The following SS18 variants were observed in gnomAD, a reference collection of about 807,000 sequenced individuals.
SS18 encodes protein SSXT.
SS18 carries 28 observed loss-of-function variants against 72.5 expected under a neutral mutation model. That is an observed-to-expected ratio of 0.39 (90% confidence interval 0.29 to 0.53). SS18 has a LOEUF of 0.53. Ranked by LOEUF, SS18 falls within the 20% of genes least tolerant of loss-of-function variation. The probability of loss-of-function intolerance (pLI) is 0.76; values close to 1 mark genes in which losing one functional copy is unlikely to be tolerated. For missense variants in SS18, 518 were observed against 535.3 expected, an observed-to-expected ratio of 0.97 and a Z score of 0.32; for synonymous variants, 172 against 164.2, an observed-to-expected ratio of 1.05 and a Z score of -0.37.
intron 1 of SS18, chr18:26,090,154 G>T (rs577224928): frequency 1.4e-4 from 40 of 279,240 alleles, no homozygotes; most frequent in African/African-American, 8.3e-4. Flanking sequence ...AGCAACGCGC[G>T]GGGCCGCCGG....
At chr18:26,043,976 T>C (rs1225869765) in intron 5 of SS18, among the ~76,000 whole-genome samples, 1 of 152,200 alleles carries the variant, frequency 6.6e-6, no homozygotes, top group Non-Finnish European at 1.5e-5. Context: ...AGACCATCTT[T>C]ACACACAGTT....
upstream of SS18, chr18:26,090,749 C>A: frequency 1.6e-6 from 1 of 637,250 alleles, no homozygotes; most frequent in Non-Finnish European, 2.7e-6. Context: ...AGGGATGTCT[C>A]GCTTCTGCGC....
At chr18:26,039,266 A>G in intron 6 of SS18, 23 bp downstream of exon 6, 12 of 1,580,684 alleles carry the variant, frequency 7.6e-6, no homozygotes, top group Non-Finnish European at 9.5e-6. Context: ...ATTAAGTAGC[A>G]AATTTTCCAA....
chr18:26,073,852 T>G (rs547712621), intron 3 of SS18, among the ~76,000 whole-genome samples: 4 of 152,218 alleles, frequency 2.6e-5, no homozygotes, highest in African/African-American at 9.6e-5. Context: ...CCGTTTTCAC[T>G]GAATACCATT....
chr18:26,044,328 A>ATTT (rs56030633), intron 5 of SS18, among the ~76,000 whole-genome samples: 2,672 of 140,488 alleles, frequency 0.019, 101 homozygotes, highest in African/African-American at 0.067. Flanking sequence ...ATTTTTTTAG[A>ATTT]TTTTTTTTTT....
chr18:26,075,480 CTT>C (rs376293109), intron 3 of SS18, among the ~76,000 whole-genome samples: 9 of 151,874 alleles, frequency 5.9e-5, no homozygotes, highest in African/African-American at 2.2e-4. Flanking sequence ...AAGAAAAAGT[CTT>C]ATAATCATCT....
At chr18:26,027,671 TAAAAAAAAAAAAAAAAA>T (rs68048813) in intron 10 of SS18, among the ~76,000 whole-genome samples, 5 of 27,300 alleles carry the variant, frequency 1.8e-4, no homozygotes, top group Non-Finnish European at 2.4e-4. Context: ...GAGACTCATC[TAAAAAAAAAAAAAAAAA>T]AAAAAAAAAA....
chr18:26,022,569 A>G (rs1393542243), intron 10 of SS18, among the ~76,000 whole-genome samples: 2 of 152,156 alleles, frequency 1.3e-5, no homozygotes, highest in African/African-American at 4.8e-5. Flanking sequence ...ACAGCTAACT[A>G]CCTTGAGAGT....
At chr18:26,090,700 G>C (rs550761575), upstream of SS18, 2 of 971,506 alleles carry the variant, frequency 2.1e-6, no homozygotes, top group African/African-American at 3.2e-5. Context: ...GGGCCAAGCG[G>C]ACGGGCGGCG....
chr18:26,037,433 G>A (rs72878215), intron 7 of SS18, among the ~76,000 whole-genome samples: 6 of 151,898 alleles, frequency 4.0e-5, no homozygotes, highest in Non-Finnish European at 5.9e-5. Context: ...TTTAAAATAC[G>A]TAGAGTCTAC....
chr18:26,027,671 TAAAAAAAAAAAAAAAA>T (rs68048813), intron 10 of SS18, among the ~76,000 whole-genome samples: 22 of 27,304 alleles, frequency 8.1e-4, no homozygotes, highest in South Asian at 3.7e-3. Flanking sequence ...GAGACTCATC[TAAAAAAAAAAAAAAAA>T]AAAAAAAAAA....
intron 3 of SS18, among the ~76,000 whole-genome samples, chr18:26,060,580 C>T (rs1396138831): frequency 1.3e-5 from 2 of 151,352 alleles, no homozygotes; most frequent in Non-Finnish European, 2.9e-5. Context: ...AAAGAATGGA[C>T]AACCAAGAGA....
chr18:26,039,986 T>C (rs1229055762), intron 5 of SS18, among the ~76,000 whole-genome samples: 1 of 152,228 alleles, frequency 6.6e-6, no homozygotes, highest in Non-Finnish European at 1.5e-5. Flanking sequence ...GAATATAATT[T>C]CATAAGCTTT....
At chr18:26,049,613 G>C (rs1035344423) in intron 5 of SS18, among the ~76,000 whole-genome samples, 5 of 152,166 alleles carry the variant, frequency 3.3e-5, no homozygotes, top group Admixed American at 6.5e-5. Context: ...CTGTGCTCAA[G>C]TGAACCTCCT....
At chr18:26,075,680 G>A (rs1446114161) in intron 3 of SS18, among the ~76,000 whole-genome samples, 2 of 151,848 alleles carry the variant, frequency 1.3e-5, no homozygotes, top group Non-Finnish European at 2.9e-5. Flanking sequence ...ACAAGACAAG[G>A]ATGTCCTCTA....
At position 26,074,625 on chromosome 18, in the gene SS18, T is replaced by G. The variant is rs550389473; in HGVS notation, c.231+3451A>C. Among the ~76,000 whole-genome samples the G allele has an allele frequency of 2.6e-5, 4 of 152,044 alleles. No homozygotes were observed. The South Asian group carries it at 8.3e-4, about 31-fold the overall frequency. The stretch of plus-strand genomic sequence containing the variant: ...ATATTAACATGCAATAAGTTTATTA[T>G]TTTTAACAAATTTTTTAGATTTGTT... On this transcript the variant is annotated intron_variant, in intron 3 of 10. Coordinates refer to ENST00000415083, the MANE Select transcript of SS18 (RefSeq NM_001007559.3).
intron 10 of SS18, among the ~76,000 whole-genome samples, chr18:26,021,542 T>C (rs9953728): frequency 0.063 from 9,533 of 152,198 alleles, 825 homozygotes; most frequent in African/African-American, 0.2. Flanking sequence ...TTAAAAAAAA[T>C]TCCTCTGACT....
chr18:26,087,388 A>G, intron 2 of SS18, 113 bp downstream of exon 2: 1 of 668,796 alleles, frequency 1.5e-6, no homozygotes. Flanking sequence ...TACACATTAA[A>G]ATAGGTGAAT....
In SS18 at chr18:26,066,600, G is replaced by GCGCGCACACACA. The variant is rs148515889; in HGVS notation, c.232-8859_232-8858insTGTGTGTGCGCG. Among the ~76,000 whole-genome samples, 32 of 144,432 alleles carry GCGCGCACACACA rather than the reference G, an allele frequency of 2.2e-4. No homozygotes were observed. The South Asian group carries it at 4.2e-3, about 19-fold the overall frequency. The allele number at this position is 144,432 out of a possible 152,430, so 94.8% of individuals were successfully genotyped here. Reference sequence around the variant, plus strand: ...TTTTAATATAGTTCTGGAAATTTGTGCACACACACACACACACACACACAC... The same window carrying GCGCGCACACACA: ...TTTTAATATAGTTCTGGAAATTTGTGCGCGCACACACACACACACACACACACACACACACAC... On this transcript the variant is annotated intron_variant, in intron 3 of 10. Coordinates refer to ENST00000415083, the MANE Select transcript of SS18 (RefSeq NM_001007559.3).
Sources: allele counts gnomAD v4.1 joint callset (sites outside exome capture counted in the v4.1 genomes callset), GRCh38; gene constraint gnomAD v4.1.1; transcripts MANE v1.5; gene names NCBI Gene and HGNC (gene_info 2026-07-23, HGNC 2026-07-21).